SEMA6A: variants seen among roughly 807,000 people sequenced by gnomAD.
SEMA6A encodes the protein semaphorin-6A.
SEMA6A carries 25 observed loss-of-function variants against 96.8 expected under a neutral mutation model. The ratio of observed to expected loss-of-function variants is 0.26; its 90% CI spans 0.19 to 0.36. The LOEUF is 0.36. SEMA6A is among the 10% of genes least tolerant of loss of function. SEMA6A has a pLI of 1.00. For synonymous variants in SEMA6A, 612 were observed against 518.0 expected (o/e 1.18, Z -2.46); for missense variants, 1,363 against 1,323.1 (o/e 1.03, Z -0.47).
At chr5:116,519,342 A>T (rs1241092087) in intron 1 of SEMA6A, among the ~76,000 whole-genome samples, 2 of 152,174 alleles carry the variant, frequency 1.3e-5, no homozygotes, top group Non-Finnish European at 2.9e-5. Flanking sequence ...ACCACAGGGT[A>T]CTTTTTTAGT....
At chr5:116,573,850 G>A (rs978742077) in intron 1 of SEMA6A, among the ~76,000 whole-genome samples, 3 of 152,060 alleles carry the variant, frequency 2.0e-5, no homozygotes, top group Admixed American at 6.5e-5. Flanking sequence ...GGGCACGCGG[G>A]AGGATGAGCC....
At chr5:116,454,489 C>G (rs1035900599) in intron 18 of SEMA6A, among the ~76,000 whole-genome samples, 1 of 152,172 alleles carries the variant, frequency 6.6e-6, no homozygotes, top group Admixed American at 6.6e-5. Flanking sequence ...GAACTAATCA[C>G]TAGCCAAGCA....
At position 116,497,495 on chromosome 5, in the gene SEMA6A, C is replaced by T. The variant is rs745663708; in HGVS notation, c.219-108G>A. The stretch of plus-strand genomic sequence containing the variant: ...GGGCAGATAAGCCCATATCCATGTT[C>T]ATGATATCCACATGCAAGAAGAAAA... On this transcript the variant is annotated intron_variant, in intron 3 of 18. Transcript: ENST00000343348. 29 of 602,270 alleles carry T rather than the reference C, an allele frequency of 4.8e-5. 1 individual carries two copies. The South Asian group carries it at 7.5e-4, about 16-fold the overall frequency. The allele number at this position is 602,270 out of a possible 1,614,324, so 37.3% of individuals were successfully genotyped here. A position where few individuals can be genotyped will look rare whatever the true frequency, so the allele number is the denominator to read the frequency against.
chr5:116,451,320 C>T lies in SEMA6A; in HGVS notation c.1895-3509G>A, dbSNP rs141514028. 5.9e-3 allele frequency among the ~76,000 whole-genome samples: 904 copies of T among 152,288 alleles called. 12 individuals are homozygous for T. Among genetic ancestry groups the T allele is most frequent in the African/African-American group, 0.02 (851 of 41,550 alleles). On this transcript the variant is annotated intron_variant, in intron 18 of 18. Coordinates refer to ENST00000343348, the MANE Select transcript of SEMA6A (RefSeq NM_020796.5). ...ACAGAGGGCTTCCAAGTGATAGTCG[C>T]AGCTGCTCCATTGGATTCCATTTGC...
chr5:116,506,599 T>A (rs188325969), intron 1 of SEMA6A, among the ~76,000 whole-genome samples: 35 of 143,678 alleles, frequency 2.4e-4, no homozygotes, highest in African/African-American at 8.6e-4. Flanking sequence ...AGTACAGCAT[T>A]AAAGGGCAGA....
At chr5:116,524,605 A>T (rs1159682088) in intron 1 of SEMA6A, among the ~76,000 whole-genome samples, 3 of 132,536 alleles carry the variant, frequency 2.3e-5, no homozygotes, top group African/African-American at 9.6e-5. Context: ...TCAGACCTTT[A>T]AAAAAAAAAA....
intron 4 of SEMA6A, 35 bp downstream of exon 4, chr5:116,497,292 C>A (rs1757648614): frequency 7.5e-7 from 1 of 1,339,016 alleles, no homozygotes; most frequent in Non-Finnish European, 1.1e-6. Flanking sequence ...TCCAAAGGTC[C>A]TTCATTTTAC....
chr5:116,513,798 AG>A (rs2112797802), intron 1 of SEMA6A, among the ~76,000 whole-genome samples: 1 of 152,002 alleles, frequency 6.6e-6, no homozygotes, highest in Non-Finnish European at 1.5e-5. Flanking sequence ...GCCCTCTGAC[AG>A]GCCTGAGTGT....
At position 116,491,845 on chromosome 5, in the gene SEMA6A, C is replaced by G. The variant is rs7737406; in HGVS notation, c.445-15G>C. 6,984 of 1,587,126 alleles carry G rather than the reference C, an allele frequency of 4.4e-3. 195 individuals are homozygous for G. The African/African-American group carries it at 0.071, about 16-fold the overall frequency. On this transcript the variant is annotated splice_polypyrimidine_tract_variant and intron_variant, in intron 6 of 18. Coordinates refer to ENST00000343348, the MANE Select transcript of SEMA6A (RefSeq NM_020796.5). ...AATGTATCCATCTAAATGAAATAAT[C>G]AGACTTAATTACAAACAACAACCTT...
At chr5:116,556,194 C>T (rs572096716) in intron 1 of SEMA6A, among the ~76,000 whole-genome samples, 2 of 152,332 alleles carry the variant, frequency 1.3e-5, no homozygotes, top group South Asian at 4.1e-4. Flanking sequence ...TCTAATTTAG[C>T]ACTCTGCACA....
At chr5:116,556,628 C>A (rs1170492946) in intron 1 of SEMA6A, among the ~76,000 whole-genome samples, 1 of 152,172 alleles carries the variant, frequency 6.6e-6, no homozygotes, top group Non-Finnish European at 1.5e-5. Flanking sequence ...AGAATAGCAA[C>A]CTCCAGAGCC....
intron 18 of SEMA6A, among the ~76,000 whole-genome samples, chr5:116,450,993 G>A (rs542912437): frequency 2.6e-4 from 39 of 152,280 alleles, no homozygotes; most frequent in African/African-American, 9.4e-4. Flanking sequence ...CATTGTGAAG[G>A]CTTGGAAACA....
chr5:116,501,987 G>C (rs1206157699), intron 3 of SEMA6A, among the ~76,000 whole-genome samples: 1 of 152,202 alleles, frequency 6.6e-6, no homozygotes, highest in African/African-American at 2.4e-5. Flanking sequence ...TTATTTGAGT[G>C]TAAGTGCCCA....
chr5:116,547,184 G>A (rs1359649149), intron 1 of SEMA6A, among the ~76,000 whole-genome samples: 1 of 152,108 alleles, frequency 6.6e-6, no homozygotes, highest in African/African-American at 2.4e-5. Flanking sequence ...TGTTCTAGTG[G>A]CATTAAGTAA....
chr5:116,457,953 C>T (rs894772369), intron 18 of SEMA6A, among the ~76,000 whole-genome samples: 2 of 152,110 alleles, frequency 1.3e-5, no homozygotes, highest in Admixed American at 6.5e-5. Context: ...GCAAGCCCTA[C>T]GTAGTTTGAG....
intron 1 of SEMA6A, among the ~76,000 whole-genome samples, chr5:116,519,198 C>T (rs577611461): frequency 2.0e-5 from 3 of 152,250 alleles, no homozygotes; most frequent in Admixed American, 6.5e-5. Flanking sequence ...GAACACTGCT[C>T]CACTATTTGG....
In SEMA6A at chr5:116,551,954, A is replaced by T. The variant is rs139033505; in HGVS notation, c.-39+22231T>A. ...AACATATCTGCCAGATGTTTGTCAC[A>T]AGGATTCTCCTGAGAACCAGTCACA... On this transcript the variant is annotated intron_variant, in intron 1 of 18. Coordinates refer to ENST00000343348, the MANE Select transcript of SEMA6A (RefSeq NM_020796.5). Among the ~76,000 whole-genome samples the T allele has an allele frequency of 1.1e-4, 16 of 152,326 alleles. No individual in the cohort carries two copies. In the East Asian group the frequency reaches 3.1e-3, roughly 29 times the overall value.
At chr5:116,521,660 A>G (rs372132599) in intron 1 of SEMA6A, among the ~76,000 whole-genome samples, 1 of 152,270 alleles carries the variant, frequency 6.6e-6, no homozygotes, top group Admixed American at 6.5e-5. Flanking sequence ...GAGCCAATCC[A>G]TCTGGGGAAG....
chr5:116,515,112 T>C (rs1228539244), intron 1 of SEMA6A, among the ~76,000 whole-genome samples: 2 of 152,144 alleles, frequency 1.3e-5, no homozygotes, highest in African/African-American at 4.8e-5. Flanking sequence ...ACTAAGACAT[T>C]TCAGGTAGAA....
Sources: gnomAD v4.1 joint callset for allele counts (sites outside exome capture counted in the v4.1 genomes callset) on GRCh38, gnomAD v4.1.1 for gene constraint, MANE v1.5 for transcripts, NCBI Gene and HGNC (gene_info 2026-07-23, HGNC 2026-07-21) for gene names.